TRAPPC9: variants seen among roughly 807,000 people sequenced by gnomAD.
TRAPPC9 encodes the protein trafficking protein particle complex subunit 9.
Under a neutral mutation model 124.0 loss-of-function variants are expected in TRAPPC9, and 83 were observed. The ratio of observed to expected loss-of-function variants is 0.67; its 90% CI spans 0.56 to 0.80. The LOEUF is 0.80. Among genes scored for constraint, TRAPPC9 ranks in the 30% least tolerant of loss-of-function variants. The probability of loss-of-function intolerance (pLI) is 0.00; values close to 1 mark genes in which losing one functional copy is unlikely to be tolerated. For synonymous variants in TRAPPC9, 638 were observed against 617.5 expected (o/e 1.03, Z -0.49); for missense variants, 1,302 against 1,508.3 (o/e 0.86, Z 2.27).
At chr8:139,787,285 T>C (rs1315307801) in intron 21 of TRAPPC9, among the ~76,000 whole-genome samples, 3 of 151,832 alleles carry the variant, frequency 2.0e-5, no homozygotes, top group Non-Finnish European at 4.4e-5. Flanking sequence ...GCTTTATGAC[T>C]CTTGTAGCCT....
intron 9 of TRAPPC9, among the ~76,000 whole-genome samples, chr8:140,324,807 A>G (rs1348320987): frequency 6.6e-6 from 1 of 152,140 alleles, no homozygotes; most frequent in Non-Finnish European, 1.5e-5. Flanking sequence ...TTTTTAAGTA[A>G]AAGAATAGAC....
At chr8:139,963,079 A>C (rs1835445150) in intron 19 of TRAPPC9, among the ~76,000 whole-genome samples, 1 of 152,252 alleles carries the variant, frequency 6.6e-6, no homozygotes, top group South Asian at 2.1e-4. Context: ...AATACCACTA[A>C]CGAGAGACGG....
intron 17 of TRAPPC9, among the ~76,000 whole-genome samples, chr8:140,193,694 T>C (rs950067761): frequency 6.0e-5 from 9 of 148,936 alleles, no homozygotes; most frequent in Non-Finnish European, 8.9e-5. Flanking sequence ...CTGGAAAGGC[T>C]GAAACCAGTC....
At chr8:140,197,467 A>C (rs2131137531) in intron 17 of TRAPPC9, among the ~76,000 whole-genome samples, 1 of 152,230 alleles carries the variant, frequency 6.6e-6, no homozygotes, top group South Asian at 2.1e-4. Context: ...GGGCTGAGGA[A>C]ATAAAGGCTG....
At chr8:140,188,201 T>G (rs1459665631) in intron 17 of TRAPPC9, among the ~76,000 whole-genome samples, 1 of 152,226 alleles carries the variant, frequency 6.6e-6, no homozygotes, top group African/African-American at 2.4e-5. Flanking sequence ...CCAGCAAGAA[T>G]GAGTGACAGT....
intron 17 of TRAPPC9, among the ~76,000 whole-genome samples, chr8:140,184,416 C>T (rs2062304343): frequency 2.0e-5 from 3 of 152,042 alleles, no homozygotes; most frequent in Admixed American, 2.0e-4. Flanking sequence ...TTAAAATTAG[C>T]TATCTCTTAA....
intron 19 of TRAPPC9, 93 bp from the exon 20 acceptor site, chr8:139,910,393 A>G (rs1454717085): frequency 1.6e-6 from 2 of 1,214,116 alleles, no homozygotes; most frequent in African/African-American, 3.0e-5. Flanking sequence ...GTGAGACACT[A>G]TAATGAATCA....
At chr8:140,306,492 CAAAAA>C (rs11447991) in intron 10 of TRAPPC9, among the ~76,000 whole-genome samples, 2 of 115,484 alleles carry the variant, frequency 1.7e-5, no homozygotes, top group African/African-American at 3.3e-5. Flanking sequence ...GACTCTGTCT[CAAAAA>C]AAAAAAAAAA....
intron 19 of TRAPPC9, among the ~76,000 whole-genome samples, chr8:139,925,148 A>T (rs1406086166): frequency 6.6e-6 from 1 of 152,254 alleles, no homozygotes; most frequent in Non-Finnish European, 1.5e-5. Context: ...GAGTCGACAC[A>T]TGGAATGAGC....
chr8:139,924,532 T>A (rs905568290), intron 19 of TRAPPC9, among the ~76,000 whole-genome samples: 1 of 152,204 alleles, frequency 6.6e-6, no homozygotes, highest in African/African-American at 2.4e-5. Flanking sequence ...CGCACCATCA[T>A]GCTGCCGGGC....
intron 17 of TRAPPC9, chr8:140,099,013 C>A (rs910759275): frequency 2.0e-5 from 3 of 152,146 alleles, no homozygotes; most frequent in African/African-American, 7.2e-5. Flanking sequence ...GGGGAGGACA[C>A]CCAGCTACGT....
intron 16 of TRAPPC9, among the ~76,000 whole-genome samples, chr8:140,246,948 G>T (rs61701344): frequency 0.062 from 9,492 of 152,084 alleles, 529 homozygotes; most frequent in African/African-American, 0.15. Context: ...TCGTGCCACT[G>T]CACTCTAGCC....
rs144033341 is a variant in TRAPPC9, at chr8:140,213,498, T to C, written c.2556+7961A>G. 1.7e-3 allele frequency among the ~76,000 whole-genome samples: 254 copies of C among 152,358 alleles called. 2 individuals carry two copies. The highest frequency in any genetic ancestry group is 5.9e-3 in the African/African-American group (246 of 41,588). On this transcript the variant is annotated intron_variant, in intron 17 of 22. Coordinates refer to ENST00000438773, the MANE Select transcript of TRAPPC9 (RefSeq NM_001160372.4). ...CAAAAATAAGCTTTTGGTTGCTTTG[T>C]CTATGTTGGGTTTCTGTTTCCTATT...
chr8:140,320,722 T>C (rs2131939593), intron 9 of TRAPPC9, among the ~76,000 whole-genome samples: 1 of 152,328 alleles, frequency 6.6e-6, no homozygotes. Flanking sequence ...TACGGTGTCA[T>C]TGTTATCCCC....
At chr8:139,986,822 A>T (rs2131697378) in intron 19 of TRAPPC9, among the ~76,000 whole-genome samples, 1 of 152,342 alleles carries the variant, frequency 6.6e-6, no homozygotes, top group South Asian at 2.1e-4. Context: ...ATACAACATG[A>T]CCATCACCTA....
chr8:139,745,487 G>C (rs1818827009), intron 21 of TRAPPC9, among the ~76,000 whole-genome samples: 1 of 152,246 alleles, frequency 6.6e-6, no homozygotes, highest in South Asian at 2.1e-4. Flanking sequence ...ACTTGCAGCG[G>C]CTCCAGCTCA....
intron 7 of TRAPPC9, among the ~76,000 whole-genome samples, chr8:140,396,496 G>A (rs1177042895): frequency 1.3e-5 from 2 of 151,642 alleles, no homozygotes; most frequent in South Asian, 4.2e-4. Flanking sequence ...TGCTTCACCT[G>A]GCCGAGAAAG....
At chr8:140,391,626 C>T (rs935178011) in intron 7 of TRAPPC9, among the ~76,000 whole-genome samples, 75 of 149,736 alleles carry the variant, frequency 5.0e-4, no homozygotes, top group African/African-American at 1.7e-3. Context: ...GCAGGAGAAT[C>T]GCTTGAACCC....
rs149806757 is a variant in TRAPPC9, at chr8:139,892,771, G to A, written c.2965-6802C>T. 1.7e-3 allele frequency among the ~76,000 whole-genome samples: 254 copies of A among 152,248 alleles called. 2 individuals carry two copies. The highest frequency in any genetic ancestry group is 4.6e-3 in the South Asian group (22 of 4,818). On this transcript the variant is annotated intron_variant, in intron 20 of 22. Coordinates refer to ENST00000438773, the MANE Select transcript of TRAPPC9 (RefSeq NM_001160372.4). Reference sequence around the variant, plus strand: ...TACTCCTCCACTATAGAAGCGCATCGAGGCACAGGCACTCCTCCACTGTGG... The same window carrying A: ...TACTCCTCCACTATAGAAGCGCATCAAGGCACAGGCACTCCTCCACTGTGG...
Sources: gnomAD v4.1 joint callset for allele counts (sites outside exome capture counted in the v4.1 genomes callset) on GRCh38, gnomAD v4.1.1 for gene constraint, MANE v1.5 for transcripts, NCBI Gene and HGNC (gene_info 2026-07-23, HGNC 2026-07-21) for gene names.